RAD51B: variants seen among roughly 807,000 people sequenced by gnomAD.
The protein encoded by RAD51B is RAD51 paralog B.
RAD51B carries 38 observed loss-of-function variants against 42.2 expected under a neutral mutation model. The observed-to-expected ratio is 0.90, with a 90% CI of 0.70 to 1.18. The LOEUF is 1.18. Ranked by LOEUF, RAD51B falls within the 50% of genes most tolerant of loss-of-function variation. The pLI is 0.00. For missense variants in RAD51B, 373 were observed against 400.7 expected (o/e 0.93, Z 0.59); for synonymous variants, 154 against 145.2 (o/e 1.06, Z -0.43).
intron 7 of RAD51B, among the ~76,000 whole-genome samples, chr14:67,951,593 A>G (rs1225155029): frequency 2.6e-5 from 4 of 152,178 alleles, no homozygotes; most frequent in African/African-American, 9.7e-5. Flanking sequence ...ATATGATCCC[A>G]AGAGTCACAA....
intron 9 of RAD51B, among the ~76,000 whole-genome samples, chr14:68,423,692 A>G (rs928080795): frequency 2.0e-5 from 3 of 152,214 alleles, no homozygotes; most frequent in African/African-American, 7.2e-5. Flanking sequence ...CTTGGAATTA[A>G]TTGCAGAACA....
chr14:68,150,590 T>C (rs1299171863), intron 7 of RAD51B, among the ~76,000 whole-genome samples: 1 of 152,252 alleles, frequency 6.6e-6, no homozygotes, highest in Non-Finnish European at 1.5e-5. Context: ...AATGGTATTG[T>C]GTTTTTAATT....
At chr14:68,047,983 G>A (rs187647050) in intron 7 of RAD51B, among the ~76,000 whole-genome samples, 5 of 152,266 alleles carry the variant, frequency 3.3e-5, no homozygotes, top group Non-Finnish European at 7.4e-5. Flanking sequence ...TTGTGGAAAA[G>A]TCTTATCAGA....
chr14:68,287,572 C>G (rs1424041058), intron 7 of RAD51B, among the ~76,000 whole-genome samples: 1 of 152,168 alleles, frequency 6.6e-6, no homozygotes, highest in Non-Finnish European at 1.5e-5. Flanking sequence ...TCTGGTCTTG[C>G]ATTGTAATTG....
intron 7 of RAD51B, among the ~76,000 whole-genome samples, chr14:68,210,061 G>A (rs1274653): frequency 0.16 from 23,869 of 151,658 alleles, 2,006 homozygotes; most frequent in Middle Eastern, 0.35. Flanking sequence ...CCGGGTTCAA[G>A]TGATTTTCCT....
chr14:67,932,244 C>T (rs2044765842), intron 7 of RAD51B, among the ~76,000 whole-genome samples: 1 of 152,186 alleles, frequency 6.6e-6, no homozygotes, highest in African/African-American at 2.4e-5. Flanking sequence ...ATCAATGGTG[C>T]TAGTTGGGTG....
intron 7 of RAD51B, among the ~76,000 whole-genome samples, chr14:67,958,819 C>T (rs192331070): frequency 1.3e-5 from 2 of 152,146 alleles, no homozygotes; most frequent in Non-Finnish European, 1.5e-5. Context: ...AACTGGGCAT[C>T]CAAAGTCATT....
chr14:68,260,652 C>T (rs1197034130), intron 7 of RAD51B, among the ~76,000 whole-genome samples: 1 of 152,110 alleles, frequency 6.6e-6, no homozygotes, highest in Non-Finnish European at 1.5e-5. Context: ...CATTCCATCC[C>T]TCCGGGTATA....
intron 4 of RAD51B, among the ~76,000 whole-genome samples, chr14:67,858,908 C>T (rs1351566481): frequency 1.3e-5 from 2 of 152,168 alleles, no homozygotes; most frequent in East Asian, 3.8e-4. Context: ...TAATTTGATC[C>T]ATGTTGTTTT....
rs558774477 is a variant in RAD51B, at chr14:68,051,469, C to G, written c.756+164265C>G. 1.1e-4 allele frequency among the ~76,000 whole-genome samples: 17 copies of G among 152,222 alleles called. No individual in the cohort carries two copies. In the East Asian group the frequency reaches 3.3e-3, roughly 29 times the overall value. ...AGCCTTATGGACAAATTCTTATATA[C>G]AACCCTGGTTGTTTTTATAAAATAA... On this transcript the variant is annotated intron_variant, in intron 7 of 10. Transcript: ENST00000471583.
chr14:68,216,862 A>AC (rs1330666097), intron 7 of RAD51B, among the ~76,000 whole-genome samples: 6 of 151,866 alleles, frequency 4.0e-5, no homozygotes, highest in Non-Finnish European at 4.4e-5. Flanking sequence ...TCCCTGTCCG[A>AC]CCCCCCTCTC....
At chr14:68,134,285 A>T (rs1566671332) in intron 7 of RAD51B, among the ~76,000 whole-genome samples, 1 of 152,046 alleles carries the variant, frequency 6.6e-6, no homozygotes. Flanking sequence ...GAATTCATTT[A>T]TTTTTATTGC....
chr14:68,499,285 G>A (rs906168923), intron 10 of RAD51B, among the ~76,000 whole-genome samples: 6 of 152,140 alleles, frequency 3.9e-5, no homozygotes, highest in Non-Finnish European at 7.3e-5. Flanking sequence ...CTTACTAAGC[G>A]GAAAGAACTT....
At chr14:68,228,092 A>G (rs1326857153) in intron 7 of RAD51B, among the ~76,000 whole-genome samples, 1 of 152,138 alleles carries the variant, frequency 6.6e-6, no homozygotes, top group East Asian at 1.9e-4. Flanking sequence ...AAGGAAGGTA[A>G]ATAAATTGTC....
intron 7 of RAD51B, among the ~76,000 whole-genome samples, chr14:68,180,887 A>G (rs1407381699): frequency 6.6e-6 from 1 of 152,194 alleles, no homozygotes; most frequent in South Asian, 2.1e-4. Context: ...CTGCCAGGTA[A>G]CTACAGTGAG....
At chr14:68,258,906 C>A (rs1346205460) in intron 7 of RAD51B, among the ~76,000 whole-genome samples, 1 of 152,164 alleles carries the variant, frequency 6.6e-6, no homozygotes, top group African/African-American at 2.4e-5. Context: ...AGAGCAGGAG[C>A]CTTCCTGTGT....
In RAD51B at chr14:68,061,220, G is replaced by A. The variant is rs201208755; in HGVS notation, c.756+174016G>A. Among the ~76,000 whole-genome samples the A allele has an allele frequency of 1.5e-4, 22 of 151,636 alleles. No homozygotes were observed. The East Asian group carries it at 4.1e-3, about 28-fold the overall frequency. On this transcript the variant is annotated intron_variant, in intron 7 of 10. Transcript: ENST00000471583. ...AGTAGCTGGGATTACAGGCATGCGC[G>A]CCACACCCAGCTAATTTTTTGTATT...
intron 11 of RAD51B, among the ~76,000 whole-genome samples, chr14:68,662,968 C>T (rs1892963574): frequency 6.6e-6 from 1 of 152,220 alleles, no homozygotes; most frequent in Non-Finnish European, 1.5e-5. Context: ...TGCCCTCTGG[C>T]TTCAGTTGGG....
intron 7 of RAD51B, among the ~76,000 whole-genome samples, chr14:67,914,616 A>C (rs1316268571): frequency 6.6e-6 from 1 of 152,132 alleles, no homozygotes; most frequent in Non-Finnish European, 1.5e-5. Flanking sequence ...TCATAGTTGG[A>C]GAGACTTTCA....
Sources: gnomAD v4.1 joint callset for allele counts (sites outside exome capture counted in the v4.1 genomes callset) on GRCh38, gnomAD v4.1.1 for gene constraint, MANE v1.5 for transcripts, NCBI Gene and HGNC (gene_info 2026-07-23, HGNC 2026-07-21) for gene names.